The following RTTN variants were observed in gnomAD, a reference collection of about 807,000 sequenced individuals.
RTTN encodes rotatin.
A neutral mutation model predicts 269.2 loss-of-function variants in RTTN; 182 were observed. The observed-to-expected ratio is 0.68, with a 90% CI of 0.60 to 0.76. The LOEUF (loss-of-function observed/expected upper bound fraction) is 0.76. Ranked by LOEUF, RTTN falls within the 30% of genes least tolerant of loss-of-function variation. The pLI, the probability that RTTN is intolerant of heterozygous loss-of-function variation, is 0.00. For missense variants in RTTN, 2,545 were observed against 2,608.6 expected (o/e 0.98, Z 0.53); for synonymous variants, 1,006 against 963.5 (o/e 1.04, Z -0.82).
chr18:70,187,588 C>G lies in RTTN; in HGVS notation c.1305+520G>C, dbSNP rs116282897. On this transcript the variant is annotated intron_variant, in intron 10 of 48. Transcript: ENST00000640769. Reference sequence around the variant, plus strand: ...AGGCACAGTATTTTGACTGTATATCCTTAGTGAGATTAGTCTATCTCAAAA... The same window carrying G: ...AGGCACAGTATTTTGACTGTATATCGTTAGTGAGATTAGTCTATCTCAAAA... Among the ~76,000 whole-genome samples the G allele has an allele frequency of 2.8e-3, 426 of 152,216 alleles. 5 individuals carry two copies. Among genetic ancestry groups the G allele is most frequent in the African/African-American group, 9.7e-3 (404 of 41,552 alleles).
At position 70,150,039 on chromosome 18, in the gene RTTN, A is replaced by G. The variant is rs1440507895; in HGVS notation, c.2104T>C (p.Leu702=). 8.7e-6 allele frequency: 14 copies of G among 1,613,434 alleles called. No homozygotes were observed. Among genetic ancestry groups the G allele is most frequent in the East Asian group, 2.2e-5 (1 of 44,856 alleles). ...AILLYLLQGR[L]MMTALTWNKF... ...TTCCAGGTCAATGCTGTCATCATCA[A>G]TCGTCCCTGAAGCAGGTATAACAGA... Residue 702 remains leucine (L), a synonymous_variant, in exon 16 of 49, where the codon TTG becomes CTG. Transcript: ENST00000640769.
chr18:70,098,205 G>A (rs1465622108), intron 28 of RTTN, among the ~76,000 whole-genome samples: 1 of 152,146 alleles, frequency 6.6e-6, no homozygotes, highest in Non-Finnish European at 1.5e-5. Context: ...CACAGCTAAG[G>A]CAGTGTTAAG....
intron 45 of RTTN, among the ~76,000 whole-genome samples, chr18:70,018,232 A>T (rs946057860): frequency 3.3e-5 from 5 of 152,214 alleles, no homozygotes; most frequent in African/African-American, 1.2e-4. Context: ...TCATTCTATT[A>T]TGCTTACAGA....
At chr18:70,047,366 A>C (rs934713239) in intron 40 of RTTN, among the ~76,000 whole-genome samples, 10 of 152,240 alleles carry the variant, frequency 6.6e-5, no homozygotes, top group Non-Finnish European at 1.5e-4. Flanking sequence ...GTTTTTAAAA[A>C]ATTACTCATC....
intron 45 of RTTN, among the ~76,000 whole-genome samples, chr18:70,018,175 A>G (rs1311396678): frequency 6.6e-6 from 1 of 151,912 alleles, no homozygotes; most frequent in East Asian, 1.9e-4. Context: ...CATTCACTTT[A>G]TCCCAGGTAC....
At chr18:70,122,302 TA>T (rs1356667559) in intron 25 of RTTN, among the ~76,000 whole-genome samples, 2 of 151,928 alleles carry the variant, frequency 1.3e-5, no homozygotes, top group Non-Finnish European at 2.9e-5. Flanking sequence ...TAGTAGACAA[TA>T]AAACTTTTAT....
At chr18:70,174,146 TTA>T (rs774324650) in intron 11 of RTTN, among the ~76,000 whole-genome samples, 310 of 48,570 alleles carry the variant, frequency 6.4e-3, no homozygotes, top group Non-Finnish European at 0.018. Flanking sequence ...ATATGAAAGT[TTA>T]AAAAAAAAAA....
intron 28 of RTTN, among the ~76,000 whole-genome samples, chr18:70,095,698 T>C (rs1284108101): frequency 1.3e-5 from 2 of 152,126 alleles, no homozygotes; most frequent in African/African-American, 4.8e-5. Flanking sequence ...CCTTTGTGGG[T>C]AACCCGACCT....
chr18:70,102,691 T>A (rs1022920386), intron 28 of RTTN, among the ~76,000 whole-genome samples: 1 of 152,198 alleles, frequency 6.6e-6, no homozygotes, highest in Non-Finnish European at 1.5e-5. Context: ...AGTTGGCATG[T>A]TTTTGCAGTG....
intron 24 of RTTN, chr18:70,128,095 A>C (rs150263124): frequency 2.3e-6 from 1 of 429,550 alleles, no homozygotes; most frequent in Non-Finnish European, 4.1e-6. Context: ...CTAGTGATTC[A>C]TATCTACGAA....
intron 12 of RTTN, among the ~76,000 whole-genome samples, chr18:70,167,666 T>A (rs1198916994): frequency 6.7e-6 from 1 of 148,838 alleles, no homozygotes; most frequent in Non-Finnish European, 1.5e-5. Flanking sequence ...ACTGCACCAC[T>A]GCACTCCAGC....
At chr18:70,050,280 T>G (rs1256147507) in intron 39 of RTTN, among the ~76,000 whole-genome samples, 1 of 152,070 alleles carries the variant, frequency 6.6e-6, no homozygotes, top group African/African-American at 2.4e-5. Flanking sequence ...AACAGACACT[T>G]CTCAAAAGAT....
chr18:70,176,816 G>C lies in RTTN; in HGVS notation c.1335C>G (p.Ala445=). The C allele has an allele frequency of 1.9e-6, 3 of 1,613,330 alleles. No individual in the cohort carries two copies. In the South Asian group the frequency reaches 3.3e-5, roughly 18 times the overall value. Residue 445 remains alanine, a synonymous_variant, in exon 11 of 49, where the codon GCC becomes GCG. Coordinates refer to ENST00000640769, the MANE Select transcript of RTTN (RefSeq NM_173630.4). Reference sequence around the variant, plus strand: ...TATGGTAGCACATGGTTTCTCCAAGGGCTCCCAACACCAGGAGTAGTTTCT... The same window carrying C: ...TATGGTAGCACATGGTTTCTCCAAGCGCTCCCAACACCAGGAGTAGTTTCT... ...MKEKLLLVLG[A]LGETMCYHKS...
intron 4 of RTTN, among the ~76,000 whole-genome samples, chr18:70,201,482 C>T (rs1438201919): frequency 6.6e-6 from 1 of 150,398 alleles, no homozygotes; most frequent in East Asian, 1.9e-4. Flanking sequence ...GTGGCGGGCG[C>T]CTGTAGTCCC....
intron 23 of RTTN, 172 bp from the exon 24 acceptor site, chr18:70,128,718 T>A: frequency 1.7e-6 from 1 of 572,724 alleles, no homozygotes; most frequent in South Asian, 2.3e-5. Flanking sequence ...TTTCAATTAT[T>A]CTTTTCATCT....
At chr18:70,204,957 T>A (rs973087784) in intron 2 of RTTN, among the ~76,000 whole-genome samples, 171 bp downstream of exon 2, 6 of 152,192 alleles carry the variant, frequency 3.9e-5, no homozygotes, top group Non-Finnish European at 8.8e-5. Flanking sequence ...TGGGATTCAG[T>A]ATCACAAATA....
chr18:70,145,903 G>A (rs2060378773), intron 17 of RTTN, 120 bp from the exon 18 acceptor site: 1 of 577,822 alleles, frequency 1.7e-6, no homozygotes, highest in Non-Finnish European at 2.8e-6. Context: ...CAATTATACT[G>A]CCATTACTAG....
intron 5 of RTTN, among the ~76,000 whole-genome samples, chr18:70,199,005 G>A (rs1436284932): frequency 6.6e-6 from 1 of 152,078 alleles, no homozygotes; most frequent in Non-Finnish European, 1.5e-5. Flanking sequence ...TGGCCAACGT[G>A]GGGAAACCCC....
chr18:70,088,511 T>C (rs962492113), intron 30 of RTTN, among the ~76,000 whole-genome samples: 1 of 152,208 alleles, frequency 6.6e-6, no homozygotes, highest in Non-Finnish European at 1.5e-5. Flanking sequence ...CCTTTCTTAA[T>C]TTTTTATTGT....
Sources: allele counts gnomAD v4.1 joint callset (sites outside exome capture counted in the v4.1 genomes callset), GRCh38; gene constraint gnomAD v4.1.1; transcripts MANE v1.5; gene names NCBI Gene and HGNC (gene_info 2026-07-23, HGNC 2026-07-21).